Variants in KDM6A observed in about 807,000 individuals in gnomAD.
KDM6A encodes lysine demethylase 6A, also known as lysine-specific demethylase 6A.
In KDM6A, 11 loss-of-function variants were observed where a neutral mutation model predicts 117.6. The ratio of observed to expected loss-of-function variants is 0.09; its 90% confidence interval spans 0.06 to 0.15. The LOEUF (loss-of-function observed/expected upper bound fraction) is 0.15, where lower values mean the gene tolerates loss of function less well. Among genes scored for constraint, KDM6A ranks in the 10% least tolerant of loss-of-function variants. The pLI, the probability that KDM6A is intolerant of heterozygous loss-of-function variation, is 1.00. For missense variants in KDM6A, 799 were observed against 1,077.3 expected (o/e 0.74, Z 3.62); for synonymous variants, 384 against 396.1 (o/e 0.97, Z 0.36).
At chrX:45,023,559 C>A (rs181740309) in intron 6 of KDM6A, among the ~76,000 whole-genome samples, 3 of 111,673 alleles carry the variant, frequency 2.7e-5, no homozygotes, top group Admixed American at 9.5e-5. Flanking sequence ...TCTTGATTTT[C>A]TCTGTGTCTG....
intron 2 of KDM6A, among the ~76,000 whole-genome samples, chrX:44,910,978 T>C (rs1428207379): frequency 8.9e-6 from 1 of 112,730 alleles, no homozygotes; most frequent in Admixed American, 9.3e-5. Flanking sequence ...AAAACCGCCA[T>C]CGTCATCATG....
intron 2 of KDM6A, among the ~76,000 whole-genome samples, chrX:44,940,392 C>G (rs1187998296): frequency 9.0e-6 from 1 of 111,626 alleles, no homozygotes; most frequent in Non-Finnish European, 1.9e-5. Flanking sequence ...CAAAAAGTTA[C>G]ATTCATTGAT....
chrX:45,007,086 C>G (rs2041532007), intron 4 of KDM6A, among the ~76,000 whole-genome samples: 1 of 112,046 alleles, frequency 8.9e-6, no homozygotes, highest in African/African-American at 3.3e-5. Context: ...CGGTCAAGAG[C>G]ACAGATCAAG....
At chrX:44,978,171 A>G (rs1463683237) in intron 4 of KDM6A, among the ~76,000 whole-genome samples, 1 of 112,157 alleles carries the variant, frequency 8.9e-6, no homozygotes, top group Non-Finnish European at 1.9e-5. Context: ...TTCTTTCAGT[A>G]CTTGAATGGT....
intron 2 of KDM6A, among the ~76,000 whole-genome samples, chrX:44,918,437 G>C (rs750971101): frequency 9.0e-6 from 1 of 111,287 alleles, no homozygotes; most frequent in Non-Finnish European, 1.9e-5. Context: ...AAGTGGCTTT[G>C]CTTGGCATCA....
intron 6 of KDM6A, among the ~76,000 whole-genome samples, chrX:45,021,967 T>C (rs1312122918): frequency 8.9e-6 from 1 of 112,350 alleles, no homozygotes; most frequent in African/African-American, 3.2e-5. Flanking sequence ...CACATTTTTT[T>C]TGCAGTTTCT....
intron 2 of KDM6A, among the ~76,000 whole-genome samples, chrX:44,936,143 C>T (rs2036954671): frequency 9.0e-6 from 1 of 111,687 alleles, no homozygotes. Context: ...AGTTCCTTGC[C>T]TTTTTCCACC....
intron 2 of KDM6A, among the ~76,000 whole-genome samples, chrX:44,911,782 C>T (rs929266068): frequency 4.5e-5 from 5 of 112,040 alleles, no homozygotes; most frequent in East Asian, 2.8e-4. Context: ...ACCGGCACCT[C>T]GGGAGGCCGA....
chrX:44,876,958 C>A (rs193301495), intron 2 of KDM6A, among the ~76,000 whole-genome samples: 1 of 89,248 alleles, frequency 1.1e-5, no homozygotes, highest in Non-Finnish European at 2.1e-5. Flanking sequence ...TACGTATATA[C>A]GCACGTATAT....
At position 44,970,890 on chromosome X, in the gene KDM6A, G is replaced by A. The variant is rs73490910; in HGVS notation, c.335-3776G>A. On this transcript the variant is annotated intron_variant, in intron 3 of 29. Coordinates refer to ENST00000611820, the MANE Select transcript of KDM6A (RefSeq NM_001291415.2). ...AGATAGTTCCCTCGTGGTGGCAGTT[G>A]GTAATATATGCTTCCTTGTTCACAT... Among the ~76,000 whole-genome samples, 642 of 111,401 alleles carry A rather than the reference G, an allele frequency of 5.8e-3. 7 individuals carry two copies. The highest frequency in any genetic ancestry group is 0.02 in the African/African-American group (613 of 30,609).
At chrX:44,910,546 G>C (rs2035035858) in intron 2 of KDM6A, among the ~76,000 whole-genome samples, 1 of 101,989 alleles carries the variant, frequency 9.8e-6, no homozygotes, top group Non-Finnish European at 2.0e-5. Context: ...GTTTCTCGCA[G>C]AGGGGGATTT....
chrX:45,065,460 C>T (rs2044489212), intron 17 of KDM6A, among the ~76,000 whole-genome samples: 1 of 111,571 alleles, frequency 9.0e-6, no homozygotes, highest in African/African-American at 3.3e-5. Context: ...TTGACTAGGT[C>T]CTCTTTGGTA....
At chrX:45,006,874 T>TGAGCC (rs1234997047) in intron 4 of KDM6A, among the ~76,000 whole-genome samples, 1 of 107,540 alleles carries the variant, frequency 9.3e-6, no homozygotes, top group Non-Finnish European at 1.9e-5. Flanking sequence ...GAGGTTACAG[T>TGAGCC]GAGCCGAGAT....
intron 2 of KDM6A, among the ~76,000 whole-genome samples, chrX:44,893,169 CTG>C (rs2033532054): frequency 9.0e-6 from 1 of 110,689 alleles, no homozygotes; most frequent in African/African-American, 3.3e-5. Context: ...CAGAGCGAGA[CTG>C]TCTCAAAAAT....
Position 45,069,640 on chromosome X carries a change from C to A in KDM6A, c.2141C>A (p.Ser714Tyr), listed in dbSNP as rs749459573. The A allele has an allele frequency of 8.3e-7, 1 of 1,210,567 alleles. No individual in the cohort carries two copies. The highest frequency in any genetic ancestry group is 3.0e-5 in the East Asian group (1 of 33,841). ...CCTAATGGTGAACGACCTCTCTCTT[C>A]CACTGGGCCTTCCCAGCATCTCCAG... ...AGPNGERPLS[S>Y]TGPSQHLQAA... The change falls in exon 18 of 30, where the codon TCC becomes TAC. Residue 714 changes from serine (S) to tyrosine (Y), a missense_variant. Ser to Tyr is a moderately radical substitution (Grantham distance 144). This residue lies in a region of KDM6A where 301 missense variants were observed against 318.3 expected (regional missense o/e 0.95). Coordinates refer to ENST00000611820, the MANE Select transcript of KDM6A (RefSeq NM_001291415.2).
chrX:44,979,407 C>T (rs2039775379), intron 4 of KDM6A, among the ~76,000 whole-genome samples: 1 of 108,433 alleles, frequency 9.2e-6, no homozygotes, highest in Non-Finnish European at 1.9e-5. Context: ...TCTCTTCTTC[C>T]TTTCCTTCCT....
chrX:45,010,865 A>T, intron 4 of KDM6A, 96 bp from the exon 5 acceptor site: 2 of 619,227 alleles, frequency 3.2e-6, no homozygotes, highest in Non-Finnish European at 5.2e-6. Flanking sequence ...GAATTTTAGG[A>T]CTTAAAACAT....
intron 5 of KDM6A, among the ~76,000 whole-genome samples, chrX:45,013,750 T>C (rs944719236): frequency 8.9e-6 from 1 of 112,280 alleles, no homozygotes; most frequent in Non-Finnish European, 1.9e-5. Flanking sequence ...ACTCTGGCTG[T>C]GTTTTTCTCT....
intron 2 of KDM6A, among the ~76,000 whole-genome samples, chrX:44,943,685 T>G (rs149619164): frequency 1.5e-3 from 169 of 112,403 alleles, no homozygotes; most frequent in African/African-American, 5.2e-3. Context: ...GTTTATCCAT[T>G]TATTCATTGA....
Sources: gnomAD v4.1 joint callset for allele counts (sites outside exome capture counted in the v4.1 genomes callset) on GRCh38, gnomAD v4.1.1 for gene constraint, gnomAD v4.1.1 regional missense constraint, MANE v1.5 for transcripts, NCBI Gene and HGNC (gene_info 2026-07-23, HGNC 2026-07-21) for gene names.